The following CHL1 variants were observed in gnomAD, a reference collection of about 807,000 sequenced individuals.
The protein encoded by CHL1 is cell adhesion molecule L1 like.
CHL1 carries 96 observed loss-of-function variants against 141.9 expected under a neutral mutation model. That is an observed-to-expected ratio of 0.68 (90% confidence interval 0.57 to 0.80). The LOEUF (loss-of-function observed/expected upper bound fraction) is 0.80, where lower values mean the gene tolerates loss of function less well. Ranked by LOEUF, CHL1 falls within the 30% of genes least tolerant of loss-of-function variation. The pLI, the probability that CHL1 is intolerant of heterozygous loss-of-function variation, is 0.00. For synonymous variants in CHL1, 613 were observed against 502.2 expected (o/e 1.22, Z -2.95); for missense variants, 1,820 against 1,457.2 (o/e 1.25, Z -4.05).
intron 15 of CHL1, among the ~76,000 whole-genome samples, chr3:368,430 T>A (rs1705185335): frequency 6.6e-6 from 1 of 152,132 alleles, no homozygotes; most frequent in Non-Finnish European, 1.5e-5. Context: ...CCTTTGCCCA[T>A]GTTTGATGGG....
chr3:260,307 A>T (rs914882044), intron 2 of CHL1, among the ~76,000 whole-genome samples: 2 of 151,686 alleles, frequency 1.3e-5, no homozygotes, highest in East Asian at 3.9e-4. Context: ...AAAAATGGCC[A>T]TCTTCCTTTA....
intron 2 of CHL1, among the ~76,000 whole-genome samples, chr3:255,953 T>C (rs1316741567): frequency 2.0e-5 from 3 of 152,198 alleles, no homozygotes. Context: ...GGATTGAGGA[T>C]ATTTCTTACC....
At chr3:328,066 A>G (rs1055987463) in intron 4 of CHL1, 101 bp from the exon 5 acceptor site, 2 of 843,262 alleles carry the variant, frequency 2.4e-6, no homozygotes, top group South Asian at 2.2e-5. Context: ...ACTTTTTATC[A>G]TAAAATGTCT....
intron 13 of CHL1, 135 bp downstream of exon 13, chr3:361,945 C>A: frequency 1.6e-6 from 1 of 606,814 alleles, no homozygotes; most frequent in Non-Finnish European, 2.9e-6. Context: ...CATAAGGTAA[C>A]AAACTTACCG....
intron 24 of CHL1, among the ~76,000 whole-genome samples, chr3:397,088 G>A (rs908265175): frequency 6.6e-6 from 1 of 152,120 alleles, no homozygotes; most frequent in Non-Finnish European, 1.5e-5. Flanking sequence ...CATAATCTAA[G>A]AGGGGAAAAG....
Position 390,735 on chromosome 3 carries a change from C to G in CHL1, c.2505C>G (p.Asp835Glu). The change falls in exon 21 of 28, where the codon GAC becomes GAG. Residue 835 changes from aspartate to glutamate, a missense_variant. Physicochemically the swap from Asp to Glu is conservative, Grantham distance 45. Transcript: ENST00000256509. ...CAGCTCCAGTGATCCATGGGGTGGA[C>G]GTTATAAACAGTACATTAGTTAAAG... ...PDTAPVIHGV[D>E]VINSTLVKVT... is the part of the protein sequence containing the mutation. 1 of 1,608,484 alleles carries G rather than the reference C, an allele frequency of 6.2e-7. No homozygotes were observed.
intron 2 of CHL1, among the ~76,000 whole-genome samples, chr3:285,058 A>G (rs761189712): frequency 6.6e-6 from 1 of 152,236 alleles, no homozygotes; most frequent in Non-Finnish European, 1.5e-5. Flanking sequence ...CTGGAAATAC[A>G]AAGCTGTTTT....
intron 1 of CHL1, among the ~76,000 whole-genome samples, chr3:229,815 T>C (rs1701698715): frequency 6.6e-6 from 1 of 152,212 alleles, no homozygotes; most frequent in African/African-American, 2.4e-5. Flanking sequence ...CTTTAAATTC[T>C]TTTTGCCTTG....
chr3:221,602 G>A (rs1700847680), intron 1 of CHL1, among the ~76,000 whole-genome samples: 1 of 152,216 alleles, frequency 6.6e-6, no homozygotes, highest in South Asian at 2.1e-4. Flanking sequence ...AGGAAAAGTA[G>A]AGGGAATTCG....
At chr3:377,339 A>T (rs2387181) in intron 15 of CHL1, among the ~76,000 whole-genome samples, 9 of 151,956 alleles carry the variant, frequency 5.9e-5, no homozygotes, top group Admixed American at 3.3e-4. Flanking sequence ...CGGAGAAAAG[A>T]GAAACTTGTG....
At chr3:197,549 C>T (rs1450881411) in intron 1 of CHL1, 1 of 292,322 alleles carries the variant, frequency 3.4e-6, no homozygotes, top group African/African-American at 2.2e-5. Context: ...TGGACACCGC[C>T]TGGTGTGTGG....
chr3:239,054 G>A (rs550240677), intron 1 of CHL1, among the ~76,000 whole-genome samples: 8 of 152,210 alleles, frequency 5.3e-5, no homozygotes, highest in African/African-American at 1.9e-4. Context: ...TACCACGTGG[G>A]GTACTGTGTG....
At chr3:276,933 C>T (rs573589432) in intron 2 of CHL1, among the ~76,000 whole-genome samples, 1 of 150,640 alleles carries the variant, frequency 6.6e-6, no homozygotes, top group South Asian at 2.1e-4. Flanking sequence ...GGGCTCCGGG[C>T]CAGATTATCC....
At chr3:314,882 A>T (rs392670) in intron 2 of CHL1, among the ~76,000 whole-genome samples, 95,061 of 151,930 alleles carry the variant, frequency 0.63, 32,232 homozygotes, top group African/African-American at 0.91. Flanking sequence ...TATTACAGAG[A>T]GTGTGACCAC....
chr3:315,525 A>G (rs962915190), intron 2 of CHL1, among the ~76,000 whole-genome samples: 1 of 152,136 alleles, frequency 6.6e-6, no homozygotes, highest in Non-Finnish European at 1.5e-5. Context: ...ACTTTTAAAA[A>G]CATCAAGGGG....
chr3:219,869 GA>G (rs200159258), intron 1 of CHL1, among the ~76,000 whole-genome samples: 1,551 of 152,178 alleles, frequency 0.01, 17 homozygotes, highest in Non-Finnish European at 0.017. Context: ...ACACATTTCA[GA>G]AAAAAACTCA....
At position 342,070 on chromosome 3, in the gene CHL1, A is replaced by G. The variant is rs1575115174; in HGVS notation, c.667A>G (p.Thr223Ala). The G allele has an allele frequency of 1.1e-5, 17 of 1,609,322 alleles. No individual in the cohort carries two copies. In the East Asian group the frequency reaches 3.8e-4, roughly 36 times the overall value. Residue 223 changes from threonine (T) to alanine (A), a missense_variant, in exon 7 of 28, where the codon ACA becomes GCA. Physicochemically the swap from Thr to Ala is moderately conservative, Grantham distance 58. Transcript: ENST00000256509. ...TGTACAGAAAATGCCAATGAAACTA[A>G]CAGTTAACAGTTGTAAGTCCACATA... ...TIVQKMPMKL[T>A]VNSLKHANDS...
chr3:225,563 T>C (rs1311051916), intron 1 of CHL1, among the ~76,000 whole-genome samples: 1 of 150,784 alleles, frequency 6.6e-6, no homozygotes, highest in Non-Finnish European at 1.5e-5. Context: ...AGACAACTCT[T>C]GAAGCAAAAG....
At chr3:294,811 C>T (rs1698035991) in intron 2 of CHL1, among the ~76,000 whole-genome samples, 1 of 152,170 alleles carries the variant, frequency 6.6e-6, no homozygotes, top group South Asian at 2.1e-4. Flanking sequence ...AGATTTTGAG[C>T]TATTCACCAG....
Sources: gnomAD v4.1 joint callset for allele counts (sites outside exome capture counted in the v4.1 genomes callset) on GRCh38, gnomAD v4.1.1 for gene constraint, MANE v1.5 for transcripts, NCBI Gene and HGNC (gene_info 2026-07-23, HGNC 2026-07-21) for gene names.